The following PML variants were observed in gnomAD, a reference collection of about 807,000 sequenced individuals.
PML encodes the protein PML nuclear body scaffold.
PML carries 28 observed loss-of-function variants against 65.2 expected under a neutral mutation model. That is an observed-to-expected ratio of 0.43 (90% CI 0.32 to 0.59). The LOEUF (loss-of-function observed/expected upper bound fraction) is 0.59. Ranked by LOEUF, PML falls within the 20% of genes least tolerant of loss-of-function variation. The pLI, the probability that PML is intolerant of heterozygous loss-of-function variation, is 0.08. For missense variants in PML, 1,021 were observed against 1,203.4 expected (o/e 0.85, Z 2.24); for synonymous variants, 500 against 508.8 (o/e 0.98, Z 0.23).
chr15:74,016,262 C>T (rs1314671833), intron 2 of PML, among the ~76,000 whole-genome samples: 2 of 151,540 alleles, frequency 1.3e-5, no homozygotes, highest in African/African-American at 2.4e-5. Flanking sequence ...GGTAACAGAG[C>T]GAGACTCCAT....
chr15:74,009,936 C>T (rs1257090165), intron 2 of PML, among the ~76,000 whole-genome samples: 1 of 152,158 alleles, frequency 6.6e-6, no homozygotes, highest in African/African-American at 2.4e-5. Flanking sequence ...AGGCCAATCG[C>T]CTCTACTTTC....
rs2070904544 is a variant in PML at position 74,022,923 on chromosome 15, T to C, written c.698T>C (p.Ile233Thr). The change falls in exon 3 of 9, where the codon ATC becomes ACC. Residue 233 changes from isoleucine to threonine, a missense_variant. Ile to Thr is a moderately conservative substitution (Grantham distance 89). Coordinates refer to ENST00000268058, the MANE Select transcript of PML (RefSeq NM_033238.3). ...CTCAAGTGCGACATCAGCGCAGAGATCCAGCAGCGACAGGAGGAGCTGGAC... is the reference window on the plus strand; with the variant it reads ...CTCAAGTGCGACATCAGCGCAGAGACCCAGCAGCGACAGGAGGAGCTGGAC... ...SELKCDISAEIQQRQEELDAM... is the reference protein window; with the variant it reads ...SELKCDISAETQQRQEELDAM... The C allele has an allele frequency of 6.2e-7, 1 of 1,612,460 alleles. No individual in the cohort carries two copies. The highest frequency in any genetic ancestry group is 8.5e-7 in the Non-Finnish European group (1 of 1,179,480).
intron 4 of PML, chr15:74,027,599 C>T (rs562184519): frequency 1.3e-5 from 2 of 152,250 alleles, no homozygotes; most frequent in African/African-American, 4.8e-5. Context: ...AGGGAAATGC[C>T]CTTGGTCCAC....
chr15:74,026,045 G>A (rs898988268), intron 4 of PML: 3 of 152,368 alleles, frequency 2.0e-5, no homozygotes, highest in African/African-American at 7.2e-5. Flanking sequence ...AGCCAGGCAA[G>A]AGCATGGAGT....
intron 2 of PML, among the ~76,000 whole-genome samples, chr15:74,012,232 G>A (rs10851867): frequency 0.62 from 93,686 of 151,956 alleles, 28,995 homozygotes; most frequent in Non-Finnish European, 0.65. Flanking sequence ...CTGGAGTGCA[G>A]TGGCGCAATC....
intron 2 of PML, among the ~76,000 whole-genome samples, chr15:74,011,847 G>C (rs1478386260): frequency 6.6e-6 from 1 of 152,198 alleles, no homozygotes; most frequent in Non-Finnish European, 1.5e-5. Context: ...CAGAGCCGGG[G>C]CCAGAACAGG....
At position 74,039,030 on chromosome 15, in the gene PML, A is replaced by G. The variant is rs541409120; in HGVS notation, c.1711-3959A>G. ...GCCCCTGCTTTAGGATCCAAAGTGGAAAAGATAGGTGTTTTCACCCACTCT... is the reference window on the plus strand; with the variant it reads ...GCCCCTGCTTTAGGATCCAAAGTGGGAAAGATAGGTGTTTTCACCCACTCT... On this transcript the variant is annotated intron_variant, in intron 7 of 8. Transcript: ENST00000268058. 3.3e-5 allele frequency among the ~76,000 whole-genome samples: 5 copies of G among 152,340 alleles called. No individual in the cohort carries two copies. In the East Asian group the frequency reaches 7.7e-4, roughly 23 times the overall value.
intron 7 of PML, chr15:74,036,048 T>G (rs149573441): frequency 5.2e-5 from 84 of 1,613,848 alleles, no homozygotes; most frequent in Non-Finnish European, 6.5e-5. Context: ...CTGCACAGAG[T>G]AGCACTCATT....
In PML at chr15:74,032,279, C is replaced by A; in HGVS notation, c.1255-293C>A. 4.3e-6 allele frequency: 2 copies of A among 468,422 alleles called. 1 individual carries two copies. The highest frequency in any genetic ancestry group is 4.4e-5 in the South Asian group (2 of 45,350). The allele number at this position is 468,422 out of a possible 1,614,324, so 29.0% of individuals were successfully genotyped here. A position where few individuals can be genotyped will look rare whatever the true frequency, so the allele number is the denominator to read the frequency against. The stretch of plus-strand genomic sequence containing the variant: ...AGTCGCGGTGGCTCGTGCCTGTAAT[C>A]CCAGCACTCTGGGAGACTGAAACAG... On this transcript the variant is annotated intron_variant, in intron 4 of 8. Coordinates refer to ENST00000268058, the MANE Select transcript of PML (RefSeq NM_033238.3).
rs566491958 is a variant in PML, at chr15:74,042,777, T to C, written c.1711-212T>C. 5.0e-5 allele frequency: 49 copies of C among 985,274 alleles called. 1 individual carries two copies. The South Asian group carries it at 2.0e-3, about 40-fold the overall frequency. 61.0% of individuals were successfully genotyped at this position (985,274 alleles called of 1,614,324 possible). On this transcript the variant is annotated intron_variant, in intron 7 of 8. Transcript: ENST00000268058. The surrounding 1 kb of genome is among the most constrained non-coding windows in gnomAD (Gnocchi z 5.3). Reference sequence around the variant, plus strand: ...CCCCTACTCATGAGGGTGTATGCCCTGGTTCATACATGTAACCCTCACATG... The same window carrying C: ...CCCCTACTCATGAGGGTGTATGCCCCGGTTCATACATGTAACCCTCACATG...
chr15:74,006,099 G>C (rs1197853851), intron 2 of PML, among the ~76,000 whole-genome samples: 1 of 152,036 alleles, frequency 6.6e-6, no homozygotes, highest in African/African-American at 2.4e-5. Context: ...AGATTAACAC[G>C]AGAAAAGCAG....
At chr15:74,032,926 G>A (rs963109539) in intron 5 of PML, among the ~76,000 whole-genome samples, 1 of 152,242 alleles carries the variant, frequency 6.6e-6, no homozygotes, top group African/African-American at 2.4e-5. Context: ...CCCAGCAGGG[G>A]TGCTGAGACA....
Position 74,044,839 on chromosome 15 carries a change from T to A in PML, c.2480T>A (p.Leu827Gln), listed in dbSNP as rs757475807. ...GGCCTGAAGAAGTACAGCCGCTATC[T>A]AAGCCTGCAGACCACCACGTTGCCC... ...QGGLKKYSRY[L>Q]SLQTTTLPPA... Residue 827 changes from leucine to glutamine, a missense_variant, in exon 9 of 9, where the codon CTA becomes CAA. Coordinates refer to ENST00000268058, the MANE Select transcript of PML (RefSeq NM_033238.3). The A allele has an allele frequency of 1.6e-5, 26 of 1,613,268 alleles. No homozygotes were observed. The highest frequency in any genetic ancestry group is 2.2e-5 in the Non-Finnish European group (26 of 1,180,044).
chr15:73,996,780 T>C (rs12593528), intron 1 of PML, among the ~76,000 whole-genome samples: 84,368 of 151,966 alleles, frequency 0.56, 23,914 homozygotes, highest in East Asian at 0.64. Context: ...AGTAATGCAA[T>C]AGCTCCTCAT....
At position 74,043,624 on chromosome 15, in the gene PML, C is replaced by T. The variant is rs558062265; in HGVS notation, c.1861+485C>T. On this transcript the variant is annotated intron_variant, in intron 8 of 8. Coordinates refer to ENST00000268058, the MANE Select transcript of PML (RefSeq NM_033238.3). The surrounding 1 kb of genome is among the most constrained non-coding windows in gnomAD (Gnocchi z 4.3). ...CCCCTCTACTTCCTCCAGTGCTTGC[C>T]CTGGCTCTGCAAATGCCCCTCCTTG... The T allele has an allele frequency of 2.1e-6, 1 of 478,844 alleles. No homozygotes were observed. Among genetic ancestry groups the T allele is most frequent in the South Asian group, 1.7e-5 (1 of 59,810 alleles). The allele number at this position is 478,844 out of a possible 1,614,324, so 29.7% of individuals were successfully genotyped here.
rs1453902706 is a variant in PML, at chr15:74,023,212, C to T, written c.987C>T (p.Gly329=). 1.9e-6 allele frequency: 3 copies of T among 1,609,476 alleles called. No homozygotes were observed. Among genetic ancestry groups the T allele is most frequent in the Non-Finnish European group, 2.5e-6 (3 of 1,178,642 alleles). ...CTGTGCTGCAGCGCATCCGCACGGG[C>T]AGCGCGCTGGTGCAGAGGATGAAGT... ...LDAVLQRIRT[G]SALVQRMKCY... is the part of the protein sequence containing the mutation. Residue 329 remains glycine (G), a synonymous_variant, in exon 3 of 9, where the codon GGC becomes GGT. Coordinates refer to ENST00000268058, the MANE Select transcript of PML (RefSeq NM_033238.3).
Position 74,044,401 on chromosome 15 carries a change from G to A in PML, c.2042G>A (p.Gly681Glu), listed in dbSNP as rs770911206. ...RPILACYKLW[G>E]PGLPNFFRAL... ...ATCTTGGCCTGCTACAAGCTGTGGG[G>A]GCCTGGCCTCCCAAACTTCTTCCGG... The change falls in exon 9 of 9, where the codon GGG (glycine) becomes GAG (glutamate). Residue 681 changes from glycine (G) to glutamate (E), a missense_variant. Coordinates refer to ENST00000268058, the MANE Select transcript of PML (RefSeq NM_033238.3). 6.2e-6 allele frequency: 10 copies of A among 1,614,100 alleles called. No homozygotes were observed. The highest frequency in any genetic ancestry group is 5.0e-5 in the Admixed American group (3 of 60,010).
intron 7 of PML, 81 bp downstream of exon 7, chr15:74,034,611 T>A: frequency 6.2e-7 from 1 of 1,614,072 alleles, no homozygotes; most frequent in Non-Finnish European, 8.5e-7. Context: ...AGCAGGTGAC[T>A]CTCAGACTTG....
chr15:74,045,156 C>G lies in PML; in HGVS notation c.*148C>G, dbSNP rs1417530410. On this transcript the variant is annotated 3_prime_UTR_variant, in exon 9 of 9. Transcript: ENST00000268058. The stretch of plus-strand genomic sequence containing the variant: ...AGAATCAGTTCCCTTTCTCTGGGAC[C>G]AAATTTCCCTTCTCTAAACATCCTA... 5 of 721,252 alleles carry G rather than the reference C, an allele frequency of 6.9e-6. No individual in the cohort carries two copies. The East Asian group carries it at 1.4e-4, about 20-fold the overall frequency. 44.7% of individuals were successfully genotyped at this position (721,252 alleles called of 1,614,324 possible).
Sources: allele counts gnomAD v4.1 joint callset (sites outside exome capture counted in the v4.1 genomes callset), GRCh38; gene constraint gnomAD v4.1.1; non-coding constraint Gnocchi (gnomAD v3.1); transcripts MANE v1.5; gene names NCBI Gene and HGNC (gene_info 2026-07-23, HGNC 2026-07-21).